Variants in STXBP5L observed in about 807,000 individuals in gnomAD.
The protein encoded by STXBP5L is syntaxin binding protein 5L, also known as syntaxin-binding protein 5-like.
In STXBP5L, 65 loss-of-function variants were observed where a neutral mutation model predicts 144.5. The ratio of observed to expected loss-of-function variants is 0.45; its 90% CI spans 0.37 to 0.55. The LOEUF is 0.55. STXBP5L is among the 20% of genes least tolerant of loss of function. The probability of loss-of-function intolerance (pLI) is 0.00; values close to 1 mark genes in which losing one functional copy is unlikely to be tolerated. For synonymous variants in STXBP5L, 505 were observed against 469.6 expected (o/e 1.08, Z -0.97); for missense variants, 1,298 against 1,405.5 (o/e 0.92, Z 1.22).
chr3:121,291,853 T>G (rs912724999), intron 19 of STXBP5L, among the ~76,000 whole-genome samples: 2 of 152,182 alleles, frequency 1.3e-5, no homozygotes, highest in African/African-American at 2.4e-5. Context: ...GCAAGCCACA[T>G]GTAGAAAAAT....
At chr3:121,006,039 G>A (rs1031241279) in intron 3 of STXBP5L, among the ~76,000 whole-genome samples, 26 of 152,274 alleles carry the variant, frequency 1.7e-4, no homozygotes, top group Admixed American at 1.5e-3. Context: ...ATGATTTGGG[G>A]TGGAGAGTTC....
intron 9 of STXBP5L, among the ~76,000 whole-genome samples, chr3:121,178,829 G>T (rs1206532829): frequency 6.6e-6 from 1 of 152,180 alleles, no homozygotes; most frequent in Non-Finnish European, 1.5e-5. Context: ...GCACCCTGAG[G>T]GAAGGCAGCC....
chr3:121,057,023 TAAAC>T (rs1409156036), intron 5 of STXBP5L, among the ~76,000 whole-genome samples: 4 of 150,938 alleles, frequency 2.7e-5, no homozygotes, highest in South Asian at 2.1e-4. Context: ...AATATATTGT[TAAAC>T]AAATTAGCAA....
intron 3 of STXBP5L, among the ~76,000 whole-genome samples, chr3:120,968,962 G>T (rs572987244): frequency 6.6e-6 from 1 of 152,016 alleles, no homozygotes; most frequent in Non-Finnish European, 1.5e-5. Context: ...ACTTAGGTTA[G>T]TTCCATATCT....
At chr3:120,971,832 G>GTATAATATACTATTATAC (rs749224655) in intron 3 of STXBP5L, among the ~76,000 whole-genome samples, 23 of 150,652 alleles carry the variant, frequency 1.5e-4, no homozygotes, top group Non-Finnish European at 1.2e-4. Context: ...TGGAATACTG[G>GTATAATATACTATTATAC]TATAATATAC....
intron 5 of STXBP5L, among the ~76,000 whole-genome samples, chr3:121,058,930 C>G (rs1948636165): frequency 6.6e-6 from 1 of 152,150 alleles, no homozygotes; most frequent in Non-Finnish European, 1.5e-5. Flanking sequence ...GTTGCCTGTT[C>G]ACTCTGATGA....
At chr3:121,208,705 T>G (rs1178586673) in intron 10 of STXBP5L, among the ~76,000 whole-genome samples, 1 of 152,184 alleles carries the variant, frequency 6.6e-6, no homozygotes, top group Non-Finnish European at 1.5e-5. Flanking sequence ...ATTATTAAGG[T>G]GCAGGACACT....
chr3:121,341,863 G>GA (rs1469907417), intron 20 of STXBP5L, among the ~76,000 whole-genome samples: 1 of 110,602 alleles, frequency 9.0e-6, no homozygotes, highest in Non-Finnish European at 2.0e-5. Context: ...GAAGGGTAGT[G>GA]AAGGGAAAGT....
intron 10 of STXBP5L, among the ~76,000 whole-genome samples, 165 bp downstream of exon 10, chr3:121,206,166 A>G (rs1449635908): frequency 1.3e-5 from 2 of 152,132 alleles, no homozygotes; most frequent in African/African-American, 4.8e-5. Context: ...TCTGATGATT[A>G]TTATTATGAT....
intron 19 of STXBP5L, among the ~76,000 whole-genome samples, chr3:121,311,790 G>A (rs2043538417): frequency 6.6e-6 from 1 of 152,164 alleles, no homozygotes. Flanking sequence ...TAGATTCAAT[G>A]CCATCCCCAT....
At chr3:121,138,008 C>T (rs1424667445) in intron 7 of STXBP5L, among the ~76,000 whole-genome samples, 8 of 152,030 alleles carry the variant, frequency 5.3e-5, no homozygotes, top group African/African-American at 1.9e-4. Context: ...TTGCTGATGA[C>T]ATGATTTTAT....
chr3:120,964,389 C>T (rs938233540), intron 3 of STXBP5L, among the ~76,000 whole-genome samples: 1 of 152,052 alleles, frequency 6.6e-6, no homozygotes, highest in African/African-American at 2.4e-5. Context: ...TAGATCTTTC[C>T]TTCCTTCTCT....
At chr3:121,026,592 A>G (rs1945960932) in intron 3 of STXBP5L, among the ~76,000 whole-genome samples, 2 of 152,078 alleles carry the variant, frequency 1.3e-5, no homozygotes, top group African/African-American at 4.8e-5. Flanking sequence ...TAGCTAATGT[A>G]GTTTCAGAGA....
intron 2 of STXBP5L, among the ~76,000 whole-genome samples, chr3:120,943,245 A>AAT (rs1402916738): frequency 6.6e-6 from 1 of 151,768 alleles, no homozygotes; most frequent in Admixed American, 6.6e-5. Flanking sequence ...GAGACTAAAG[A>AAT]TTATATTCAC....
intron 16 of STXBP5L, among the ~76,000 whole-genome samples, chr3:121,256,588 C>A (rs984314338): frequency 6.6e-6 from 1 of 151,596 alleles, no homozygotes; most frequent in East Asian, 1.9e-4. Flanking sequence ...AAATAAACAA[C>A]CAAAAATATG....
chr3:120,995,690 C>T (rs1197630357), intron 3 of STXBP5L, among the ~76,000 whole-genome samples: 2 of 151,938 alleles, frequency 1.3e-5, no homozygotes, highest in African/African-American at 4.8e-5. Flanking sequence ...AGTCTCCTTA[C>T]CCTAGAATAA....
chr3:121,225,763 C>G (rs538473581), intron 11 of STXBP5L, among the ~76,000 whole-genome samples: 5 of 152,302 alleles, frequency 3.3e-5, no homozygotes, highest in Non-Finnish European at 7.3e-5. Flanking sequence ...TCTGTTTCAC[C>G]AGTCCAGAGG....
chr3:120,975,316 G>A (rs1333944025), intron 3 of STXBP5L, among the ~76,000 whole-genome samples: 2 of 152,124 alleles, frequency 1.3e-5, no homozygotes, highest in African/African-American at 4.8e-5. Flanking sequence ...TTGTGAATGG[G>A]AGTTCACTCA....
At position 121,413,254 on chromosome 3, in the gene STXBP5L, A is replaced by G. The variant is rs1011883689; in HGVS notation, c.3045A>G (p.Ala1015=). Residue 1015 remains alanine (A), a synonymous_variant, in exon 24 of 27, where the codon GCA becomes GCG. Coordinates refer to ENST00000471454, the MANE Select transcript of STXBP5L (RefSeq NM_001308330.2). The stretch of plus-strand genomic sequence containing the variant: ...TTTGTTTTACCAATGAAGGACAGGC[A>G]TTATACCTCGTCTCTCCTACTGAAA... The part of the protein sequence containing the change: ...RTFCFTNEGQ[A]LYLVSPTEIQ... The G allele has an allele frequency of 9.3e-6, 15 of 1,609,438 alleles. No homozygotes were observed. The highest frequency in any genetic ancestry group is 1.3e-5 in the Non-Finnish European group (15 of 1,178,720).
Sources: gnomAD v4.1 joint callset for allele counts (sites outside exome capture counted in the v4.1 genomes callset) on GRCh38, gnomAD v4.1.1 for gene constraint, MANE v1.5 for transcripts, NCBI Gene and HGNC (gene_info 2026-07-23, HGNC 2026-07-21) for gene names.